Variants in OSBPL10 observed in about 807,000 individuals in gnomAD.
OSBPL10 encodes oxysterol-binding protein-related protein 10.
Under a neutral mutation model 81.7 loss-of-function variants are expected in OSBPL10, and 49 were observed. The ratio of observed to expected loss-of-function variants is 0.60; its 90% CI spans 0.48 to 0.76. OSBPL10 has a LOEUF of 0.76. Ranked by LOEUF, OSBPL10 falls within the 30% of genes least tolerant of loss-of-function variation. The pLI is 0.00. For synonymous variants in OSBPL10, 419 were observed against 383.6 expected, an observed-to-expected ratio of 1.09 and a Z score of -1.08; for missense variants, 923 against 987.8, an observed-to-expected ratio of 0.93 and a Z score of 0.88.
chr3:32,026,678 A>T (rs1699418332), intron 2 of OSBPL10, among the ~76,000 whole-genome samples: 1 of 152,180 alleles, frequency 6.6e-6, no homozygotes, highest in South Asian at 2.1e-4. Context: ...ACCAAGAGAG[A>T]TCTGGGGAAA....
intron 2 of OSBPL10, among the ~76,000 whole-genome samples, chr3:32,045,552 T>G (rs1699613026): frequency 6.6e-6 from 1 of 152,202 alleles, no homozygotes; most frequent in Admixed American, 6.5e-5. Context: ...TAAGCTTGGC[T>G]TTCCACCTAA....
At chr3:31,805,794 A>G (rs189637062) in intron 4 of OSBPL10, among the ~76,000 whole-genome samples, 1 of 152,188 alleles carries the variant, frequency 6.6e-6, no homozygotes, top group Non-Finnish European at 1.5e-5. Context: ...GGCAGGCCTC[A>G]CAAGATAACC....
At chr3:32,009,379 C>T (rs1420275485) in intron 2 of OSBPL10, among the ~76,000 whole-genome samples, 2 of 152,210 alleles carry the variant, frequency 1.3e-5, no homozygotes, top group African/African-American at 4.8e-5. Context: ...GTCTTCAAAT[C>T]CATGTCCACA....
intron 7 of OSBPL10, among the ~76,000 whole-genome samples, chr3:31,699,861 TGAA>T (rs926848522): frequency 5.3e-5 from 8 of 152,334 alleles, no homozygotes; most frequent in Admixed American, 1.3e-4. Flanking sequence ...ATCCTTGAGG[TGAA>T]GAAGATTTTC....
intron 4 of OSBPL10, among the ~76,000 whole-genome samples, chr3:31,810,019 G>A (rs1379295856): frequency 6.6e-6 from 1 of 151,856 alleles, no homozygotes; most frequent in Non-Finnish European, 1.5e-5. Context: ...TTACAGGCAT[G>A]TGCCACCACG....
At chr3:31,824,337 C>T (rs1482010556) in intron 4 of OSBPL10, among the ~76,000 whole-genome samples, 2 of 152,074 alleles carry the variant, frequency 1.3e-5, no homozygotes, top group East Asian at 3.9e-4. Flanking sequence ...GTACTGCCAT[C>T]AATTGTCTTT....
chr3:31,706,209 G>C (rs1413836106), intron 6 of OSBPL10, among the ~76,000 whole-genome samples: 4 of 152,202 alleles, frequency 2.6e-5, no homozygotes, highest in Non-Finnish European at 5.9e-5. Context: ...GCAGGCTGGG[G>C]TTTAGGGACA....
chr3:32,040,815 T>G (rs1395498062), intron 2 of OSBPL10, among the ~76,000 whole-genome samples: 1 of 152,178 alleles, frequency 6.6e-6, no homozygotes, highest in Admixed American at 6.5e-5. Flanking sequence ...CCAGCCCTGG[T>G]GACAGAGTGA....
At chr3:31,875,555 TAAAAA>T (rs60853105) in intron 3 of OSBPL10, among the ~76,000 whole-genome samples, 1 of 143,614 alleles carries the variant, frequency 7.0e-6, no homozygotes, top group Non-Finnish European at 1.5e-5. Flanking sequence ...GATGTTTCTT[TAAAAA>T]AAAAAAAAAA....
At chr3:31,883,528 GTTTTTTTTTTGTTGTT>G (rs1366994687) in intron 1 of OSBPL10, among the ~76,000 whole-genome samples, 1 of 129,608 alleles carries the variant, frequency 7.7e-6, no homozygotes, top group African/African-American at 3.0e-5. Flanking sequence ...GCATGAGCCT[GTTTTTTTTTTGTTGTT>G]TTTTTTTTTT....
chr3:31,689,009 T>G (rs1164199730), intron 7 of OSBPL10, among the ~76,000 whole-genome samples: 1 of 152,192 alleles, frequency 6.6e-6, no homozygotes, highest in Admixed American at 6.5e-5. Context: ...TTGCCTAGTC[T>G]GAAGGCATCT....
At chr3:31,700,976 A>G (rs1413326411) in intron 7 of OSBPL10, among the ~76,000 whole-genome samples, 1 of 152,176 alleles carries the variant, frequency 6.6e-6, no homozygotes, top group African/African-American at 2.4e-5. Context: ...TGGCGTCCTC[A>G]GTGTGGGCCC....
At chr3:31,701,556 T>A (rs931077739) in intron 7 of OSBPL10, 1 of 152,180 alleles carries the variant, frequency 6.6e-6, no homozygotes, top group African/African-American at 2.4e-5. Flanking sequence ...GGCTCCCAAC[T>A]GGAGTAACTG....
intron 3 of OSBPL10, among the ~76,000 whole-genome samples, chr3:31,876,003 A>T (rs750413047): frequency 3.3e-5 from 5 of 152,108 alleles, no homozygotes; most frequent in African/African-American, 7.2e-5. Context: ...GAACATTTTG[A>T]TACACTAGGA....
chr3:31,803,061 A>G (rs1240216818), intron 4 of OSBPL10, among the ~76,000 whole-genome samples: 3 of 142,230 alleles, frequency 2.1e-5, no homozygotes, highest in Non-Finnish European at 3.1e-5. Context: ...AAAATCACAC[A>G]TGATTCAGTG....
intron 6 of OSBPL10, chr3:31,703,694 A>G (rs1386809780): frequency 6.6e-6 from 1 of 152,208 alleles, no homozygotes; most frequent in African/African-American, 2.4e-5. Flanking sequence ...GGCATTTTTA[A>G]AACTTCAACG....
chr3:31,930,973 C>T (rs866073022), intron 1 of OSBPL10, among the ~76,000 whole-genome samples: 4 of 146,344 alleles, frequency 2.7e-5, no homozygotes, highest in African/African-American at 1.0e-4. Flanking sequence ...GAGATCCCCC[C>T]CACTGCACTC....
chr3:31,798,197 G>C (rs570402595), intron 4 of OSBPL10, among the ~76,000 whole-genome samples: 1 of 152,142 alleles, frequency 6.6e-6, no homozygotes, highest in Non-Finnish European at 1.5e-5. Context: ...TTGGGAGGCC[G>C]AGGCAGGTGG....
intron 1 of OSBPL10, among the ~76,000 whole-genome samples, chr3:31,951,139 G>T (rs886589886): frequency 2.6e-5 from 4 of 151,962 alleles, no homozygotes; most frequent in Non-Finnish European, 5.9e-5. Flanking sequence ...AAGAAATGGT[G>T]AACAACCTAA....
Sources: allele counts gnomAD v4.1 joint callset (sites outside exome capture counted in the v4.1 genomes callset), GRCh38; gene constraint gnomAD v4.1.1; transcripts MANE v1.5; gene names NCBI Gene and HGNC (gene_info 2026-07-23, HGNC 2026-07-21).